KLHL29: variants seen among roughly 807,000 people sequenced by gnomAD.
KLHL29 encodes the protein kelch-like protein 29.
A neutral mutation model predicts 80.4 loss-of-function variants in KLHL29; 21 were observed. The observed-to-expected ratio is 0.26, with a 90% CI of 0.19 to 0.38. The LOEUF (loss-of-function observed/expected upper bound fraction) is 0.38, where lower values mean the gene tolerates loss of function less well. Among genes scored for constraint, KLHL29 ranks in the 10% least tolerant of loss-of-function variants. The probability of loss-of-function intolerance (pLI) is 1.00; values close to 1 mark genes in which losing one functional copy is unlikely to be tolerated. For missense variants in KLHL29, 867 were observed against 1,223.9 expected, an observed-to-expected ratio of 0.71 and a Z score of 4.35; for synonymous variants, 511 against 526.8, an observed-to-expected ratio of 0.97 and a Z score of 0.41.
intron 2 of KLHL29, among the ~76,000 whole-genome samples, chr2:23,493,473 G>A (rs1665164105): frequency 3.9e-5 from 6 of 152,132 alleles, no homozygotes; most frequent in Admixed American, 3.9e-4. Context: ...TACAGAGATG[G>A]TGTACATTGT....
intron 3 of KLHL29, among the ~76,000 whole-genome samples, chr2:23,564,364 C>T (rs1404205053): frequency 1.3e-5 from 2 of 152,202 alleles, no homozygotes; most frequent in Non-Finnish European, 2.9e-5. Flanking sequence ...GGGGCAAGGA[C>T]TGGGCAGGGT....
intron 2 of KLHL29, among the ~76,000 whole-genome samples, chr2:23,535,335 C>G (rs961450183): frequency 6.6e-6 from 1 of 152,242 alleles, no homozygotes; most frequent in Admixed American, 6.5e-5. Context: ...TCACCCTGGC[C>G]TGCCTCCAAA....
At chr2:23,432,929 C>T (rs1047189646) in intron 1 of KLHL29, among the ~76,000 whole-genome samples, 1 of 152,132 alleles carries the variant, frequency 6.6e-6, no homozygotes, top group Admixed American at 6.5e-5. Context: ...CAGGAAAGGG[C>T]ATGGTGAGGG....
chr2:23,540,689 G>A (rs1484910342), intron 2 of KLHL29, among the ~76,000 whole-genome samples: 2 of 152,184 alleles, frequency 1.3e-5, no homozygotes, highest in South Asian at 2.1e-4. Context: ...TAATGGAGAG[G>A]CACAACTCAG....
chr2:23,639,296 G>A lies in KLHL29; in HGVS notation c.427+16G>A. ...GACAATCCAGGTACGTACCTCATCG[G>A]CAGATAGAAACGACTGAGCCCAGGG... is the stretch of plus-strand genomic sequence containing the variant. On this transcript the variant is annotated intron_variant, in intron 4 of 13. Transcript: ENST00000486442. 1 of 1,543,452 alleles carries A rather than the reference G, an allele frequency of 6.5e-7. No individual in the cohort carries two copies. The highest frequency in any genetic ancestry group is 1.4e-5 in the African/African-American group (1 of 72,764).
In KLHL29 at chr2:23,596,960, G is replaced by A. The variant is rs11681555; in HGVS notation, c.285+34479G>A. On this transcript the variant is annotated intron_variant, in intron 3 of 13. Coordinates refer to ENST00000486442, the MANE Select transcript of KLHL29 (RefSeq NM_052920.2). This position sits in a 1 kb window ranked among gnomAD's most constrained non-coding sequence, Gnocchi z 4.4. ...TCAGGGCTGCGTTTAGAATCAAATA[G>A]AGCTAATGGTGAAGTCTCTTCCCAC... is the stretch of plus-strand genomic sequence containing the variant. Among the ~76,000 whole-genome samples the A allele has an allele frequency of 0.57, 86,271 of 151,974 alleles. 27,136 individuals carry two copies. Among genetic ancestry groups the A allele is most frequent in the South Asian group, 0.75 (3,582 of 4,788 alleles).
At chr2:23,546,724 C>T (rs1175138599) in intron 2 of KLHL29, among the ~76,000 whole-genome samples, 1 of 152,200 alleles carries the variant, frequency 6.6e-6, no homozygotes, top group East Asian at 1.9e-4. Flanking sequence ...TACCCCAAGA[C>T]TGGGGTACCC....
chr2:23,392,143 C>T (rs1477659209), intron 1 of KLHL29, among the ~76,000 whole-genome samples: 1 of 152,160 alleles, frequency 6.6e-6, no homozygotes, highest in Non-Finnish European at 1.5e-5. Flanking sequence ...TTACAGTGGC[C>T]TGGGGAAGTG....
intron 7 of KLHL29, among the ~76,000 whole-genome samples, chr2:23,692,877 G>A (rs750103198): frequency 2.0e-4 from 31 of 152,200 alleles, no homozygotes; most frequent in Non-Finnish European, 3.7e-4. Context: ...TGGGACCACA[G>A]ACATGCCTGG....
intron 2 of KLHL29, among the ~76,000 whole-genome samples, chr2:23,498,432 A>G (rs1709331): frequency 0.64 from 97,814 of 151,718 alleles, 31,788 homozygotes; most frequent in Non-Finnish European, 0.7. Flanking sequence ...ACACCCGATC[A>G]GGCAGGAGAC....
chr2:23,465,070 G>A (rs1040035913), intron 1 of KLHL29, among the ~76,000 whole-genome samples: 17 of 152,162 alleles, frequency 1.1e-4, no homozygotes, highest in African/African-American at 3.9e-4. Flanking sequence ...GTTGCTGCAC[G>A]GCCGACAGAT....
At chr2:23,622,833 T>C (rs1388964506) in intron 3 of KLHL29, among the ~76,000 whole-genome samples, 1 of 152,224 alleles carries the variant, frequency 6.6e-6, no homozygotes, top group Non-Finnish European at 1.5e-5. Flanking sequence ...TAGTTCATAA[T>C]TCTATGGTGT....
chr2:23,514,400 G>A (rs1057295680), intron 2 of KLHL29, among the ~76,000 whole-genome samples: 4 of 152,176 alleles, frequency 2.6e-5, no homozygotes, highest in African/African-American at 9.7e-5. Context: ...GGTGCAGAGT[G>A]CCAGGTGGGT....
At chr2:23,442,609 T>G (rs7573494) in intron 1 of KLHL29, among the ~76,000 whole-genome samples, 82,182 of 152,074 alleles carry the variant, frequency 0.54, 24,672 homozygotes, top group African/African-American at 0.83. Context: ...CCAACACTTC[T>G]ACTTCAGCCA....
chr2:23,624,277 G>A (rs1442712641), intron 3 of KLHL29, among the ~76,000 whole-genome samples: 1 of 152,120 alleles, frequency 6.6e-6, no homozygotes, highest in East Asian at 1.9e-4. Flanking sequence ...TCCTCTGTGG[G>A]ACAGGAGGCT....
At chr2:23,456,064 A>T (rs1289519214) in intron 1 of KLHL29, among the ~76,000 whole-genome samples, 1 of 152,156 alleles carries the variant, frequency 6.6e-6, no homozygotes, top group East Asian at 1.9e-4. Context: ...TGACACTTTG[A>T]TCTTGGACTT....
chr2:23,579,378 A>C lies in KLHL29; in HGVS notation c.285+16897A>C, dbSNP rs550799892. On this transcript the variant is annotated intron_variant, in intron 3 of 13. Coordinates refer to ENST00000486442, the MANE Select transcript of KLHL29 (RefSeq NM_052920.2). ...AGATGTCTGCCCTTAGGTATCTGCC[A>C]GAACCTCAGATATAAAATTCCCAGA... is the stretch of plus-strand genomic sequence containing the variant. Among the ~76,000 whole-genome samples, 228 of 152,288 alleles carry C rather than the reference A, an allele frequency of 1.5e-3. 1 individual carries two copies. The highest frequency in any genetic ancestry group is 5.1e-3 in the African/African-American group (212 of 41,562).
At chr2:23,674,631 C>T (rs1670872492) in intron 5 of KLHL29, among the ~76,000 whole-genome samples, 1 of 152,208 alleles carries the variant, frequency 6.6e-6, no homozygotes, top group African/African-American at 2.4e-5. Context: ...GTAGACAAAA[C>T]ACAGTTCTTC....
At position 23,457,965 on chromosome 2, in the gene KLHL29, A is replaced by T. The variant is rs1366559176; in HGVS notation, c.-153-17595A>T. Among the ~76,000 whole-genome samples the T allele has an allele frequency of 6.6e-6, 1 of 152,146 alleles. No individual in the cohort carries two copies. Among genetic ancestry groups the T allele is most frequent in the East Asian group, 1.9e-4 (1 of 5,190 alleles). On this transcript the variant is annotated intron_variant, in intron 1 of 13. Transcript: ENST00000486442. The surrounding 1 kb of genome is among the most constrained non-coding windows in gnomAD (Gnocchi z 4.3). ...GAGGCGGAGCTTGCAGTGAACTGAG[A>T]TCACGCCACTGCACTCCAGCCTGGG...
Sources: allele counts gnomAD v4.1 joint callset (sites outside exome capture counted in the v4.1 genomes callset), GRCh38; gene constraint gnomAD v4.1.1; non-coding constraint Gnocchi (gnomAD v3.1); transcripts MANE v1.5; gene names NCBI Gene and HGNC (gene_info 2026-07-23, HGNC 2026-07-21).